The following ACVR2B variants were observed in gnomAD, a reference collection of about 807,000 sequenced individuals.
ACVR2B encodes activin A receptor type 2B.
ACVR2B carries 18 observed loss-of-function variants against 65.1 expected under a neutral mutation model. The ratio of observed to expected loss-of-function variants is 0.28; its 90% confidence interval spans 0.19 to 0.41. The LOEUF (loss-of-function observed/expected upper bound fraction) is 0.41, where lower values mean the gene tolerates loss of function less well. Among genes scored for constraint, ACVR2B ranks in the 10% least tolerant of loss-of-function variants. ACVR2B has a pLI of 1.00. For synonymous variants in ACVR2B, 298 were observed against 277.7 expected, an observed-to-expected ratio of 1.07 and a Z score of -0.73; for missense variants, 482 against 682.7, an observed-to-expected ratio of 0.71 and a Z score of 3.28.
rs888069318 is a variant in ACVR2B, at chr3:38,491,663, T to A, written c.*8331T>A. The A allele has an allele frequency of 6.6e-6, 1 of 152,220 alleles. No individual in the cohort carries two copies. The highest frequency in any genetic ancestry group is 1.5e-5 in the Non-Finnish European group (1 of 68,036). The allele number at this position is 152,220 out of a possible 1,614,324, so 9.4% of individuals were successfully genotyped here. Reference sequence around the variant, plus strand: ...GTCCAAGTCATCATGAAAGGCCGACTGGGAGCAAGTGATTATTAGAGATTC... The same window carrying A: ...GTCCAAGTCATCATGAAAGGCCGACAGGGAGCAAGTGATTATTAGAGATTC... On this transcript the variant is annotated 3_prime_UTR_variant, in exon 11 of 11. Coordinates refer to ENST00000352511, the MANE Select transcript of ACVR2B (RefSeq NM_001106.4).
chr3:38,474,251 C>A (rs994885929), intron 1 of ACVR2B: 1 of 152,364 alleles, frequency 6.6e-6, no homozygotes, highest in Non-Finnish European at 1.5e-5. Flanking sequence ...GGGTACTGCC[C>A]ATGGTAGTGG....
chr3:38,483,049 G>C lies in ACVR2B; in HGVS notation c.1345-89G>C, dbSNP rs1710046132. On this transcript the variant is annotated intron_variant, in intron 10 of 10. Transcript: ENST00000352511. This position sits in a 1 kb window ranked among gnomAD's most constrained non-coding sequence, Gnocchi z 4.8. ...GGCTGGTGGGCTCTGCCTGATCCTT[G>C]GGAATATCAAGTTTACTGTCCCCCA... 3 of 1,479,428 alleles carry C rather than the reference G, an allele frequency of 2.0e-6. No individual in the cohort carries two copies. The highest frequency in any genetic ancestry group is 2.8e-6 in the Non-Finnish European group (3 of 1,060,052). The allele number at this position is 1,479,428 out of a possible 1,614,324, so 91.6% of individuals were successfully genotyped here. A position where few individuals can be genotyped will look rare whatever the true frequency, so the allele number is the denominator to read the frequency against.
chr3:38,465,100 A>T (rs1033255148), intron 1 of ACVR2B, among the ~76,000 whole-genome samples: 2 of 152,046 alleles, frequency 1.3e-5, no homozygotes, highest in Non-Finnish European at 2.9e-5. Context: ...ATACATATTT[A>T]AAAATAGAAG....
intron 5 of ACVR2B, 113 bp from the exon 6 acceptor site, chr3:38,479,015 C>A: frequency 7.0e-7 from 1 of 1,425,076 alleles, no homozygotes; most frequent in Non-Finnish European, 9.9e-7. Flanking sequence ...GGGGATTGGG[C>A]TGGGAGGCTT....
intron 1 of ACVR2B, among the ~76,000 whole-genome samples, chr3:38,464,703 A>AT (rs1709701529): frequency 6.6e-6 from 1 of 152,178 alleles, no homozygotes. Flanking sequence ...TGGGATTGAG[A>AT]TCCCAAAGAT....
At position 38,468,435 on chromosome 3, in the gene ACVR2B, G is replaced by T. The variant is rs921795494; in HGVS notation, c.53-8852G>T. Among the ~76,000 whole-genome samples, 38 of 152,170 alleles carry T rather than the reference G, an allele frequency of 2.5e-4. 2 individuals are homozygous for T. Among genetic ancestry groups the T allele is most frequent in the Admixed American group, 6.5e-5 (1 of 15,290 alleles). ...ATTGTTCTGTATTCCTCCTGTTTCA[G>T]TGTGATACCTGTGTCCTCAGATTTG... On this transcript the variant is annotated intron_variant, in intron 1 of 10. Transcript: ENST00000352511.
chr3:38,465,968 A>C (rs1225465176), intron 1 of ACVR2B, among the ~76,000 whole-genome samples: 3 of 152,258 alleles, frequency 2.0e-5, no homozygotes, highest in African/African-American at 7.2e-5. Flanking sequence ...CTAACTTCTC[A>C]ATAGAAACAG....
rs1285371548 is a variant in ACVR2B, at chr3:38,487,013, G to C, written c.*3681G>C. 3.3e-5 allele frequency: 5 copies of C among 152,368 alleles called. No individual in the cohort carries two copies. Among genetic ancestry groups the C allele is most frequent in the Non-Finnish European group, 7.3e-5 (5 of 68,144 alleles). 9.4% of individuals were successfully genotyped at this position (152,368 alleles called of 1,614,324 possible). A position where few individuals can be genotyped will look rare whatever the true frequency, so the allele number is the denominator to read the frequency against. On this transcript the variant is annotated 3_prime_UTR_variant, in exon 11 of 11. Coordinates refer to ENST00000352511, the MANE Select transcript of ACVR2B (RefSeq NM_001106.4). ...TCCTCAGCAGGAGTTCTTTGCATGA[G>C]TTGCTCAGGGGCAAGGGCTGCAAGT...
chr3:38,457,771 G>C (rs1709574552), intron 1 of ACVR2B, among the ~76,000 whole-genome samples: 2 of 152,194 alleles, frequency 1.3e-5, no homozygotes, highest in South Asian at 4.1e-4. Context: ...ACTCTGATAG[G>C]CTGACCCAAA....
rs1379656046 is a variant in ACVR2B at position 38,479,706 on chromosome 3, A to G, written c.839A>G (p.Asn280Ser). The change falls in exon 7 of 11, where the codon AAC becomes AGC. Residue 280 changes from asparagine (N) to serine (S), a missense_variant. Physicochemically the swap from Asn to Ser is conservative, Grantham distance 46 (BLOSUM62 1). Around this residue, in one of 5 missense-constraint regions of ACVR2B, gnomAD observed 223 missense variants for 386.3 expected, o/e 0.58. Transcript: ENST00000352511. ...TCCCTCACGGATTACCTCAAGGGGA[A>G]CATCATCACATGGAACGAACTGTGT... The part of the protein sequence containing the change: ...KGSLTDYLKG[N>S]IITWNELCHV... The G allele has an allele frequency of 3.7e-6, 6 of 1,614,214 alleles. No homozygotes were observed. Among genetic ancestry groups the G allele is most frequent in the Non-Finnish European group, 5.1e-6 (6 of 1,180,034 alleles).
chr3:38,476,267 TTGAA>T (rs1274383968), intron 1 of ACVR2B: 2 of 152,130 alleles, frequency 1.3e-5, no homozygotes, highest in South Asian at 2.1e-4. Flanking sequence ...AGGAAAGTGT[TTGAA>T]TGGGCAGGTG....
At position 38,483,250 on chromosome 3, in the gene ACVR2B, A is replaced by G. The variant is rs749119464; in HGVS notation, c.1457A>G (p.Asn486Ser). The G allele has an allele frequency of 1.9e-6, 3 of 1,613,912 alleles. No homozygotes were observed. The highest frequency in any genetic ancestry group is 1.7e-5 in the Admixed American group (1 of 59,990). ...GTGTCCCTGATTCGGAGGTCGGTCA[A>G]CGGCACTACCTCGGACTGTCTCGTT... is the stretch of plus-strand genomic sequence containing the variant. ...ERVSLIRRSV[N>S]GTTSDCLVSL... The change falls in exon 11 of 11, where the codon AAC becomes AGC. Residue 486 changes from asparagine (N) to serine (S), a missense_variant. Coordinates refer to ENST00000352511, the MANE Select transcript of ACVR2B (RefSeq NM_001106.4). This position sits in a 1 kb window ranked among gnomAD's most constrained non-coding sequence, Gnocchi z 4.8.
chr3:38,455,944 CT>C lies in ACVR2B; in HGVS notation c.52+1571del, dbSNP rs1288190911. Among the ~76,000 whole-genome samples the C allele has an allele frequency of 6.6e-5, 10 of 152,280 alleles. No individual in the cohort carries two copies. In the East Asian group the frequency reaches 1.9e-3, roughly 30 times the overall value. ...TGCCTGATCCCTGGAAGTGCTGGGGCTCTTCCAAGCCCAGGCCTTTAGGAGA... is the reference window on the plus strand; with the variant it reads ...TGCCTGATCCCTGGAAGTGCTGGGGCCTTCCAAGCCCAGGCCTTTAGGAGA... On this transcript the variant is annotated intron_variant, in intron 1 of 10. Transcript: ENST00000352511.
chr3:38,472,060 C>T (rs1425979901), intron 1 of ACVR2B, among the ~76,000 whole-genome samples: 1 of 152,176 alleles, frequency 6.6e-6, no homozygotes, highest in African/African-American at 2.4e-5. Flanking sequence ...ATTGTACATG[C>T]CGCTCCACAG....
chr3:38,481,991 T>G lies in ACVR2B; in HGVS notation c.1075-207T>G, dbSNP rs1351474343. Among the ~76,000 whole-genome samples the G allele has an allele frequency of 6.6e-6, 1 of 152,174 alleles. No individual in the cohort carries two copies. Among genetic ancestry groups the G allele is most frequent in the Non-Finnish European group, 1.5e-5 (1 of 68,044 alleles). ...TACTATTATCTCCAGGATATAGTATTTAAAAATTATTAGCCAAGTATAATT... is the reference window on the plus strand; with the variant it reads ...TACTATTATCTCCAGGATATAGTATGTAAAAATTATTAGCCAAGTATAATT... On this transcript the variant is annotated intron_variant, in intron 8 of 10. Transcript: ENST00000352511. This position sits in a 1 kb window ranked among gnomAD's most constrained non-coding sequence, Gnocchi z 4.7.
intron 1 of ACVR2B, among the ~76,000 whole-genome samples, chr3:38,464,337 G>T (rs1450081197): frequency 6.6e-6 from 1 of 152,242 alleles, no homozygotes; most frequent in Admixed American, 6.5e-5. Flanking sequence ...TATGTGTGCA[G>T]GTTCCCTTGC....
At position 38,482,228 on chromosome 3, in the gene ACVR2B, G is replaced by T. The variant is rs961153672; in HGVS notation, c.1105G>T (p.Val369Leu). ...VGTRRYMAPE[V>L]LEGAINFQRD... ...CACGAGACGGTACATGGCTCCTGAG[G>T]TGCTCGAGGGAGCCATCAACTTCCA... The change falls in exon 9 of 11, where the codon GTG becomes TTG. Residue 369 changes from valine (V) to leucine (L), a missense_variant. Physicochemically the swap from Val to Leu is conservative, Grantham distance 32 (BLOSUM62 1). Coordinates refer to ENST00000352511, the MANE Select transcript of ACVR2B (RefSeq NM_001106.4). 6.2e-7 allele frequency: 1 copy of T among 1,613,648 alleles called. No homozygotes were observed. Among genetic ancestry groups the T allele is most frequent in the Non-Finnish European group, 8.5e-7 (1 of 1,179,954 alleles).
chr3:38,480,773 G>A (rs1229733448), intron 7 of ACVR2B, among the ~76,000 whole-genome samples: 1 of 152,196 alleles, frequency 6.6e-6, no homozygotes, highest in Non-Finnish European at 1.5e-5. Context: ...CTAAACATTT[G>A]CACTTACCAC....
In ACVR2B at chr3:38,454,360, G is replaced by C. The variant is rs1709503881; in HGVS notation, c.38G>C (p.Gly13Ala). ...APWVALALLW[G>A]SLCAGSGRGE... ...TGGGTGGCCCTCGCCCTCCTCTGGG[G>C]ATCGCTGTGCGCCGGTAAGAACTGG... The change falls in exon 1 of 11, where the codon GGA (glycine) becomes GCA (alanine). Residue 13 changes from glycine to alanine, a missense_variant. This residue lies in a region of ACVR2B where 41 missense variants were observed against 38.2 expected (regional missense o/e 1.07). Coordinates refer to ENST00000352511, the MANE Select transcript of ACVR2B (RefSeq NM_001106.4). 7.8e-7 allele frequency: 1 copy of C among 1,285,894 alleles called. No individual in the cohort carries two copies. Among genetic ancestry groups the C allele is most frequent in the South Asian group, 2.6e-5 (1 of 37,898 alleles). 79.7% of individuals were successfully genotyped at this position (1,285,894 alleles called of 1,614,324 possible).
Sources: allele counts gnomAD v4.1 joint callset (sites outside exome capture counted in the v4.1 genomes callset), GRCh38; gene constraint gnomAD v4.1.1; regional missense constraint gnomAD v4.1.1; non-coding constraint Gnocchi (gnomAD v3.1); transcripts MANE v1.5; gene names NCBI Gene and HGNC (gene_info 2026-07-23, HGNC 2026-07-21).